NBR1: variants seen among roughly 807,000 people sequenced by gnomAD.
NBR1 encodes NBR1 autophagy cargo receptor.
In NBR1, 59 loss-of-function variants were observed where a neutral mutation model predicts 115.5. The ratio of observed to expected loss-of-function variants is 0.51; its 90% CI spans 0.41 to 0.63. NBR1 has a LOEUF of 0.63. Among genes scored for constraint, NBR1 ranks in the 30% least tolerant of loss-of-function variants. The probability of loss-of-function intolerance (pLI) is 0.00; values close to 1 mark genes in which losing one functional copy is unlikely to be tolerated. For synonymous variants in NBR1, 373 were observed against 414.7 expected, an observed-to-expected ratio of 0.90 and a Z score of 1.22; for missense variants, 1,043 against 1,150.5, an observed-to-expected ratio of 0.91 and a Z score of 1.35.
chr17:43,194,803 C>T, intron 13 of NBR1, 161 bp from the exon 14 acceptor site: 1 of 643,702 alleles, frequency 1.6e-6, no homozygotes, highest in Non-Finnish European at 2.7e-6. Context: ...GTTATTTCAA[C>T]ATCTAATTCC....
intron 10 of NBR1, 37 bp downstream of exon 10, chr17:43,191,618 G>GC: frequency 6.9e-7 from 1 of 1,442,700 alleles, no homozygotes; most frequent in South Asian, 1.3e-5. Flanking sequence ...AAAACTTTAG[G>GC]CCCAGCTCTC....
rs2057401159 is a variant in NBR1, at chr17:43,210,665, TG to T, written c.*593del. The T allele has an allele frequency of 2.5e-6, 1 of 398,554 alleles. No homozygotes were observed. Among genetic ancestry groups the T allele is most frequent in the Non-Finnish European group, 4.4e-6 (1 of 226,038 alleles). 24.7% of individuals were successfully genotyped at this position (398,554 alleles called of 1,614,324 possible). ...GCACCGTTGCTTTCTAAAGACTCCATGGTGCATTCAAGAGTATCCAACTTCA... is the reference window on the plus strand; with the variant it reads ...GCACCGTTGCTTTCTAAAGACTCCATGTGCATTCAAGAGTATCCAACTTCA... On this transcript the variant is annotated 3_prime_UTR_variant, in exon 21 of 21. Transcript: ENST00000590996.
chr17:43,197,597 T>C (rs1032227006), intron 16 of NBR1, among the ~76,000 whole-genome samples: 2 of 152,044 alleles, frequency 1.3e-5, no homozygotes, highest in Non-Finnish European at 2.9e-5. Context: ...AATTAGAGCA[T>C]CAGGAGTAAA....
intron 1 of NBR1, among the ~76,000 whole-genome samples, chr17:43,173,436 C>T (rs1237791711): frequency 6.6e-6 from 1 of 152,092 alleles, no homozygotes; most frequent in African/African-American, 2.4e-5. Flanking sequence ...TAAAGGCCTG[C>T]GCCACTACAC....
chr17:43,171,546 G>C (rs975951878), intron 1 of NBR1, among the ~76,000 whole-genome samples: 5 of 152,160 alleles, frequency 3.3e-5, no homozygotes, highest in Non-Finnish European at 5.9e-5. Context: ...GGAAGGCCAC[G>C]ACTCCCCAGT....
At chr17:43,172,865 G>A (rs1340184106) in intron 1 of NBR1, among the ~76,000 whole-genome samples, 1 of 151,882 alleles carries the variant, frequency 6.6e-6, no homozygotes, top group Non-Finnish European at 1.5e-5. Context: ...TTGCTCTGTC[G>A]CCCAGGCTGG....
rs60320098 is a variant in NBR1, at chr17:43,177,572, A to AACACACACACACAC, written c.103-328_103-315dup. 4.9e-3 allele frequency among the ~76,000 whole-genome samples: 639 copies of AACACACACACACAC among 131,296 alleles called. 10 individuals carry two copies. Among genetic ancestry groups the AACACACACACACAC allele is most frequent in the African/African-American group, 0.015 (497 of 32,590 alleles). 86.1% of individuals were successfully genotyped at this position (131,296 alleles called of 152,430 possible). On this transcript the variant is annotated intron_variant, in intron 2 of 20. Transcript: ENST00000590996. ...GTTCCCTACCCCACACCCCACCCAAAACACACACACACACACACACACACA... is the reference window on the plus strand; with the variant it reads ...GTTCCCTACCCCACACCCCACCCAAAACACACACACACACACACACACACACACACACACACACA...
intron 16 of NBR1, among the ~76,000 whole-genome samples, chr17:43,199,760 G>A (rs576232927): frequency 8.1e-4 from 124 of 152,278 alleles, no homozygotes; most frequent in Non-Finnish European, 1.4e-3. Flanking sequence ...TTGTAAAGAA[G>A]AGGAGGAGAT....
At chr17:43,182,079 T>G (rs1203556630) in intron 5 of NBR1, among the ~76,000 whole-genome samples, 1 of 151,618 alleles carries the variant, frequency 6.6e-6, no homozygotes, top group Admixed American at 6.6e-5. Flanking sequence ...AGCCTTGAAC[T>G]GCTGGGCTCA....
intron 17 of NBR1, among the ~76,000 whole-genome samples, chr17:43,201,188 C>A (rs1229993315): frequency 6.6e-6 from 1 of 152,160 alleles, no homozygotes; most frequent in African/African-American, 2.4e-5. Flanking sequence ...TTTTTAAACA[C>A]AAACATCCCT....
chr17:43,186,410 C>A lies in NBR1; in HGVS notation c.368C>A (p.Ser123Ter). 2 of 1,599,046 alleles carry A rather than the reference C, an allele frequency of 1.3e-6. No homozygotes were observed. The highest frequency in any genetic ancestry group is 1.7e-6 in the Non-Finnish European group (2 of 1,174,018). ...HYSSLVRVLG[S>*]DMKTPEDPAV... is the part of the protein sequence containing the mutation. Reference sequence around the variant, plus strand: ...TCTTCACTGGTGAGAGTCTTGGGATCAGACATGAAGACCCCAGAGGATCCT... The same window carrying A: ...TCTTCACTGGTGAGAGTCTTGGGATAAGACATGAAGACCCCAGAGGATCCT... The change falls in exon 6 of 21, where the codon TCA (serine) becomes TAA (stop). Residue 123 changes from serine to a stop codon, truncating the protein, a stop_gained. Coordinates refer to ENST00000590996, the MANE Select transcript of NBR1 (RefSeq NM_005899.5). LOFTEE classifies it high-confidence loss of function.
rs2057161974 is a variant in NBR1 at position 43,200,156 on chromosome 17, T to G, written c.2027-11T>G. On this transcript the variant is annotated splice_polypyrimidine_tract_variant and intron_variant, in intron 16 of 20. Transcript: ENST00000590996. ...GCTTCCACCTTAAAATTGGTTGCTT[T>G]CATCCTTTAGTGACATTTGCCTTGC... 6.5e-6 allele frequency: 10 copies of G among 1,535,964 alleles called. No homozygotes were observed. In the East Asian group the frequency reaches 2.5e-4, roughly 38 times the overall value.
intron 6 of NBR1, among the ~76,000 whole-genome samples, chr17:43,187,758 T>C (rs1030266473): frequency 6.6e-6 from 1 of 151,978 alleles, no homozygotes; most frequent in African/African-American, 2.4e-5. Flanking sequence ...TCCGCCCACC[T>C]CGGCCTCCCA....
In NBR1 at chr17:43,197,041, T is replaced by G; in HGVS notation, c.1961T>G (p.Ile654Ser). The G allele has an allele frequency of 6.2e-7, 1 of 1,613,996 alleles. No individual in the cohort carries two copies. The highest frequency in any genetic ancestry group is 1.7e-5 in the Admixed American group (1 of 60,012). ...SGTQFVCETV[I>S]RSLTLDAAPD... ...ACCCAGTTTGTGTGTGAGACAGTAA[T>G]CCGATCCCTTACCTTGGATGCTGCC... Residue 654 changes from isoleucine (I) to serine (S), a missense_variant, in exon 16 of 21, where the codon ATC becomes AGC. By Grantham distance (142) the Ile-to-Ser change is moderately radical. Coordinates refer to ENST00000590996, the MANE Select transcript of NBR1 (RefSeq NM_005899.5).
intron 17 of NBR1, 151 bp from the exon 18 acceptor site, chr17:43,201,535 A>T: frequency 1.6e-6 from 1 of 618,778 alleles, no homozygotes; most frequent in Non-Finnish European, 2.9e-6. Flanking sequence ...TGTAGCCCTT[A>T]TGATGGAACC....
intron 17 of NBR1, among the ~76,000 whole-genome samples, chr17:43,201,131 A>G (rs1005247696): frequency 6.6e-6 from 1 of 152,092 alleles, no homozygotes; most frequent in Non-Finnish European, 1.5e-5. Flanking sequence ...GGTCTCCCAA[A>G]ATGCTGGAAT....
At chr17:43,196,747 A>G (rs563090011) in intron 15 of NBR1, among the ~76,000 whole-genome samples, 156 bp downstream of exon 15, 1 of 152,332 alleles carries the variant, frequency 6.6e-6, no homozygotes, top group East Asian at 1.9e-4. Context: ...CACATGGCAC[A>G]GATAGCAGCT....
chr17:43,209,714 G>A, intron 20 of NBR1, 187 bp from the exon 21 acceptor site: 1 of 1,531,714 alleles, frequency 6.5e-7, no homozygotes, highest in East Asian at 2.4e-5. Flanking sequence ...TCTAAAATAG[G>A]GCCTTCCCAG....
In NBR1 at chr17:43,186,472, A is replaced by AATATCGTTTCTTTT. The variant is rs781375105; in HGVS notation, c.402+29_402+42dup. 7 of 1,433,992 alleles carry AATATCGTTTCTTTT rather than the reference A, an allele frequency of 4.9e-6. No individual in the cohort carries two copies. In the South Asian group the frequency reaches 1.1e-4, roughly 22 times the overall value. 88.8% of individuals were successfully genotyped at this position (1,433,992 alleles called of 1,614,324 possible). ...ATGAAGGGTATGGCCCAGTCTATCC[A>AATATCGTTTCTTTT]ATATCGTTTCTTTTTTCTTTTTTAA... is the stretch of plus-strand genomic sequence containing the variant. On this transcript the variant is annotated intron_variant, in intron 6 of 20. Coordinates refer to ENST00000590996, the MANE Select transcript of NBR1 (RefSeq NM_005899.5).
Sources: allele counts gnomAD v4.1 joint callset (sites outside exome capture counted in the v4.1 genomes callset), GRCh38; gene constraint gnomAD v4.1.1; transcripts MANE v1.5; gene names NCBI Gene and HGNC (gene_info 2026-07-23, HGNC 2026-07-21).